The following RBMS1 variants were observed in gnomAD, a reference collection of about 807,000 sequenced individuals.
The protein encoded by RBMS1 is RNA binding motif single stranded interacting protein 1.
Under a neutral mutation model 62.3 loss-of-function variants are expected in RBMS1, and 17 were observed. The observed-to-expected ratio is 0.27, with a 90% CI of 0.19 to 0.41. The LOEUF is 0.41. Among genes scored for constraint, RBMS1 ranks in the 10% least tolerant of loss-of-function variants. RBMS1 has a pLI of 1.00. For synonymous variants in RBMS1, 172 were observed against 170.0 expected, an observed-to-expected ratio of 1.01 and a Z score of -0.09; for missense variants, 334 against 504.5, an observed-to-expected ratio of 0.66 and a Z score of 3.24.
intron 1 of RBMS1, among the ~76,000 whole-genome samples, chr2:160,452,865 T>C (rs972766273): frequency 1.3e-5 from 2 of 152,172 alleles, no homozygotes; most frequent in Non-Finnish European, 2.9e-5. Flanking sequence ...ATTAGGAGCT[T>C]ATGAGATCAC....
chr2:160,369,943 G>A (rs76396858), intron 1 of RBMS1, among the ~76,000 whole-genome samples: 307 of 152,262 alleles, frequency 2.0e-3, no homozygotes, highest in African/African-American at 7.0e-3. Flanking sequence ...CCAAAATACA[G>A]CTATGATTTA....
At chr2:160,473,919 GT>G (rs1685025849) in intron 1 of RBMS1, among the ~76,000 whole-genome samples, 2 of 152,020 alleles carry the variant, frequency 1.3e-5, no homozygotes. Context: ...TGCCCATTTG[GT>G]TTTAGTAGTG....
intron 4 of RBMS1, among the ~76,000 whole-genome samples, chr2:160,309,058 G>A (rs954662573): frequency 9.9e-5 from 15 of 152,086 alleles, no homozygotes; most frequent in Non-Finnish European, 2.1e-4. Flanking sequence ...CAAAACAATG[G>A]GTGTCAGGCA....
chr2:160,344,350 T>C (rs2105998086), intron 2 of RBMS1, among the ~76,000 whole-genome samples: 1 of 152,286 alleles, frequency 6.6e-6, no homozygotes, highest in Admixed American at 6.5e-5. Flanking sequence ...AGCACTTAAC[T>C]TTCTGAGATA....
At chr2:160,320,343 G>A (rs1690485758) in intron 2 of RBMS1, among the ~76,000 whole-genome samples, 1 of 152,132 alleles carries the variant, frequency 6.6e-6, no homozygotes, top group African/African-American at 2.4e-5. Context: ...ATGGTGGTGC[G>A]GGGCCTATTG....
At chr2:160,425,073 CT>C (rs775447670) in intron 1 of RBMS1, among the ~76,000 whole-genome samples, 5 of 152,082 alleles carry the variant, frequency 3.3e-5, no homozygotes, top group Non-Finnish European at 7.4e-5. Flanking sequence ...GACTGCTTCC[CT>C]TCTTGGAGTC....
chr2:160,462,638 C>T (rs1684515006), intron 1 of RBMS1, among the ~76,000 whole-genome samples: 1 of 152,116 alleles, frequency 6.6e-6, no homozygotes, highest in Admixed American at 6.5e-5. Context: ...GATGGAGTTT[C>T]ACTCTTGTCA....
At chr2:160,356,033 T>G (rs1384001605) in intron 2 of RBMS1, among the ~76,000 whole-genome samples, 1 of 152,134 alleles carries the variant, frequency 6.6e-6, no homozygotes, top group Non-Finnish European at 1.5e-5. Context: ...ACTATAATGT[T>G]CTTATATGCC....
chr2:160,344,540 T>A (rs1322445304), intron 2 of RBMS1, among the ~76,000 whole-genome samples: 1 of 152,190 alleles, frequency 6.6e-6, no homozygotes, highest in African/African-American at 2.4e-5. Context: ...ACTCCAACAG[T>A]ATATGGAAAC....
intron 1 of RBMS1, among the ~76,000 whole-genome samples, chr2:160,385,691 T>C (rs12473324): frequency 0.59 from 89,970 of 152,100 alleles, 27,001 homozygotes; most frequent in Admixed American, 0.67. Flanking sequence ...AATGTAGAGA[T>C]GCCCACGTGT....
At chr2:160,488,274 C>T (rs976718867) in intron 1 of RBMS1, among the ~76,000 whole-genome samples, 5 of 152,156 alleles carry the variant, frequency 3.3e-5, no homozygotes, top group African/African-American at 1.2e-4. Flanking sequence ...ATTATTTATT[C>T]ATTAAAATAA....
intron 1 of RBMS1, among the ~76,000 whole-genome samples, chr2:160,479,322 C>G (rs958801605): frequency 6.6e-6 from 1 of 152,252 alleles, no homozygotes; most frequent in African/African-American, 2.4e-5. Flanking sequence ...TCATCTACAA[C>G]AGGTTAGACA....
chr2:160,300,058 C>T (rs1026661450), intron 6 of RBMS1, among the ~76,000 whole-genome samples: 3 of 152,026 alleles, frequency 2.0e-5, no homozygotes, highest in South Asian at 2.1e-4. Flanking sequence ...GATTTTAACA[C>T]TCAAAAATGG....
At chr2:160,437,192 G>T (rs941794283) in intron 1 of RBMS1, among the ~76,000 whole-genome samples, 1 of 152,140 alleles carries the variant, frequency 6.6e-6, no homozygotes, top group African/African-American at 2.4e-5. Context: ...AGAACTTCAT[G>T]GTTGCCCTTA....
rs542905625 is a variant in RBMS1, at chr2:160,365,614, T to G, written c.251+1602A>C. Among the ~76,000 whole-genome samples, 138 of 152,350 alleles carry G rather than the reference T, an allele frequency of 9.1e-4. 4 individuals carry two copies. The highest frequency in any genetic ancestry group is 3.1e-4 in the Non-Finnish European group (21 of 68,032). On this transcript the variant is annotated intron_variant, in intron 2 of 13. Coordinates refer to ENST00000348849, the MANE Select transcript of RBMS1 (RefSeq NM_016836.4). ...CTCCAGTATTTTAGGGTTAACTGTC[T>G]CCTTGACATCAAAACTCACCCTACA... is the stretch of plus-strand genomic sequence containing the variant.
chr2:160,428,457 C>A (rs930237635), intron 1 of RBMS1, among the ~76,000 whole-genome samples: 3 of 151,856 alleles, frequency 2.0e-5, no homozygotes, highest in Non-Finnish European at 1.5e-5. Flanking sequence ...AACAGCATGT[C>A]GGGGAATTAT....
intron 2 of RBMS1, among the ~76,000 whole-genome samples, chr2:160,318,535 T>C (rs1296860825): frequency 2.0e-5 from 3 of 152,230 alleles, no homozygotes; most frequent in Admixed American, 6.5e-5. Context: ...CTATACCAAA[T>C]ATTTTCTTCT....
intron 1 of RBMS1, among the ~76,000 whole-genome samples, chr2:160,436,905 T>C (rs1683134104): frequency 6.6e-6 from 1 of 152,166 alleles, no homozygotes; most frequent in South Asian, 2.1e-4. Context: ...CATTTTCACA[T>C]TGTTTGAAGA....
rs548317243 is a variant in RBMS1 at position 160,276,857 on chromosome 2, G to A, written c.1143+446C>T. Among the ~76,000 whole-genome samples the A allele has an allele frequency of 3.3e-5, 5 of 152,110 alleles. No individual in the cohort carries two copies. In the East Asian group the frequency reaches 7.7e-4, roughly 23 times the overall value. ...GAGAGACAAGACAGAACGTCCGAGG[G>A]GTATGAAAGGCACTATAGGCTTAGA... On this transcript the variant is annotated intron_variant, in intron 12 of 13. Coordinates refer to ENST00000348849, the MANE Select transcript of RBMS1 (RefSeq NM_016836.4).
Sources: gnomAD v4.1 joint callset for allele counts (sites outside exome capture counted in the v4.1 genomes callset) on GRCh38, gnomAD v4.1.1 for gene constraint, MANE v1.5 for transcripts, NCBI Gene and HGNC (gene_info 2026-07-23, HGNC 2026-07-21) for gene names.